The following CHCHD3 variants were observed in gnomAD, a reference collection of about 807,000 sequenced individuals.
CHCHD3 encodes MICOS complex subunit MIC19.
In CHCHD3, 20 loss-of-function variants were observed where a neutral mutation model predicts 38.2. The ratio of observed to expected loss-of-function variants is 0.52; its 90% CI spans 0.37 to 0.76. The LOEUF (loss-of-function observed/expected upper bound fraction) is 0.76, where lower values mean the gene tolerates loss of function less well. Ranked by LOEUF, CHCHD3 falls within the 30% of genes least tolerant of loss-of-function variation. The pLI, the probability that CHCHD3 is intolerant of heterozygous loss-of-function variation, is 0.00. For synonymous variants in CHCHD3, 82 were observed against 100.0 expected, an observed-to-expected ratio of 0.82 and a Z score of 1.07; for missense variants, 245 against 279.2, an observed-to-expected ratio of 0.88 and a Z score of 0.87.
chr7:133,030,870 G>C (rs1233779665), intron 2 of CHCHD3, among the ~76,000 whole-genome samples: 1 of 152,294 alleles, frequency 6.6e-6, no homozygotes, highest in East Asian at 1.9e-4. Flanking sequence ...TCTAGCAAGT[G>C]TGGCTCTAAA....
intron 7 of CHCHD3, among the ~76,000 whole-genome samples, chr7:132,793,865 T>G (rs1806531152): frequency 6.6e-6 from 1 of 152,218 alleles, no homozygotes; most frequent in Non-Finnish European, 1.5e-5. Flanking sequence ...TGTAAGAAGT[T>G]GGCCCATGAG....
At chr7:132,989,855 A>G (rs1211025507) in intron 3 of CHCHD3, among the ~76,000 whole-genome samples, 1 of 152,188 alleles carries the variant, frequency 6.6e-6, no homozygotes, top group African/African-American at 2.4e-5. Context: ...TCTTAAACCG[A>G]GATCATCAGC....
chr7:132,904,211 T>C (rs990055318), intron 4 of CHCHD3, among the ~76,000 whole-genome samples: 2 of 151,666 alleles, frequency 1.3e-5, no homozygotes, highest in African/African-American at 4.9e-5. Flanking sequence ...CAGTGAGCTA[T>C]GATCATGCCA....
intron 5 of CHCHD3, among the ~76,000 whole-genome samples, chr7:132,876,901 T>C (rs1808928130): frequency 6.6e-6 from 1 of 152,188 alleles, no homozygotes; most frequent in South Asian, 2.1e-4. Flanking sequence ...TGACACATCA[T>C]AATAGTGAAA....
At chr7:133,057,927 G>A (rs1381884160) in intron 2 of CHCHD3, among the ~76,000 whole-genome samples, 1 of 152,038 alleles carries the variant, frequency 6.6e-6, no homozygotes, top group African/African-American at 2.4e-5. Context: ...ATCTTATAAT[G>A]CCCACTCTCA....
At chr7:132,889,636 T>G (rs1809311111) in intron 4 of CHCHD3, among the ~76,000 whole-genome samples, 1 of 152,172 alleles carries the variant, frequency 6.6e-6, no homozygotes, top group African/African-American at 2.4e-5. Flanking sequence ...TTCCCTGGAT[T>G]GCAAACAGAA....
intron 4 of CHCHD3, among the ~76,000 whole-genome samples, chr7:132,913,209 C>T (rs778870137): frequency 6.6e-6 from 1 of 152,176 alleles, no homozygotes; most frequent in Admixed American, 6.5e-5. Context: ...TGGCTATCCC[C>T]CAAGTCCAAC....
chr7:133,055,609 T>C (rs1427077185), intron 2 of CHCHD3, among the ~76,000 whole-genome samples: 1 of 147,890 alleles, frequency 6.8e-6, no homozygotes, highest in East Asian at 1.9e-4. Context: ...CAAATTATAA[T>C]TAATTATAAC....
At chr7:132,827,933 A>G (rs1275825306) in intron 6 of CHCHD3, among the ~76,000 whole-genome samples, 1 of 152,088 alleles carries the variant, frequency 6.6e-6, no homozygotes, top group Non-Finnish European at 1.5e-5. Flanking sequence ...CTATATTCCA[A>G]TCAGCTTTGC....
intron 4 of CHCHD3, chr7:132,972,889 C>T: frequency 2.0e-6 from 2 of 985,452 alleles, no homozygotes; most frequent in Non-Finnish European, 2.4e-6. Context: ...GTTTCTCATG[C>T]TTCACCAGCT....
intron 4 of CHCHD3, among the ~76,000 whole-genome samples, chr7:132,946,199 C>T (rs569123757): frequency 1.3e-5 from 2 of 151,576 alleles, no homozygotes; most frequent in East Asian, 3.9e-4. Context: ...TGTATACACA[C>T]ACATATACAT....
At chr7:132,940,612 T>C (rs547183975) in intron 4 of CHCHD3, among the ~76,000 whole-genome samples, 4 of 152,332 alleles carry the variant, frequency 2.6e-5, no homozygotes, top group East Asian at 1.9e-4. Flanking sequence ...TTCTACTTTT[T>C]ATATTTTCTC....
chr7:132,983,824 T>C (rs774925947), intron 3 of CHCHD3, among the ~76,000 whole-genome samples: 1 of 152,192 alleles, frequency 6.6e-6, no homozygotes, highest in Non-Finnish European at 1.5e-5. Context: ...GATAAGTGAA[T>C]CCAGCATAAG....
At chr7:132,968,282 G>A (rs1811527790) in intron 4 of CHCHD3, among the ~76,000 whole-genome samples, 1 of 152,138 alleles carries the variant, frequency 6.6e-6, no homozygotes, top group Non-Finnish European at 1.5e-5. Flanking sequence ...CTGTCGTGAG[G>A]GATGCTTCCC....
intron 6 of CHCHD3, among the ~76,000 whole-genome samples, chr7:132,821,237 ACTG>A (rs1481689220): frequency 6.6e-6 from 1 of 152,216 alleles, no homozygotes; most frequent in Non-Finnish European, 1.5e-5. Context: ...CTCACTATTC[ACTG>A]CTTAGGATAT....
intron 4 of CHCHD3, among the ~76,000 whole-genome samples, chr7:132,964,193 C>G (rs1341329838): frequency 1.3e-5 from 2 of 152,218 alleles, no homozygotes; most frequent in East Asian, 1.9e-4. Flanking sequence ...TCTCAACAAG[C>G]ATTCTCCCAG....
At chr7:132,972,849 G>C (rs1811646318) in intron 4 of CHCHD3, 1 of 985,364 alleles carries the variant, frequency 1.0e-6, no homozygotes, top group Non-Finnish European at 1.2e-6. Context: ...CTGTAAATAA[G>C]AGATCTACAA....
intron 6 of CHCHD3, among the ~76,000 whole-genome samples, chr7:132,833,810 G>C (rs1490620698): frequency 1.3e-5 from 2 of 152,208 alleles, no homozygotes; most frequent in Non-Finnish European, 2.9e-5. Flanking sequence ...GCTGGTGTTA[G>C]TCATGGGCAG....
chr7:132,950,554 G>T (rs569266180), intron 4 of CHCHD3, among the ~76,000 whole-genome samples: 1 of 152,266 alleles, frequency 6.6e-6, no homozygotes, highest in South Asian at 2.1e-4. Context: ...GAGTATGTAA[G>T]ACAGCCAACG....
Sources: gnomAD v4.1 joint callset for allele counts (sites outside exome capture counted in the v4.1 genomes callset) on GRCh38, gnomAD v4.1.1 for gene constraint, MANE v1.5 for transcripts, NCBI Gene and HGNC (gene_info 2026-07-23, HGNC 2026-07-21) for gene names.